FYN: variants seen among roughly 807,000 people sequenced by gnomAD.
The protein encoded by FYN is tyrosine-protein kinase Fyn.
FYN carries 10 observed loss-of-function variants against 70.2 expected under a neutral mutation model. That is an observed-to-expected ratio of 0.14 (90% CI 0.09 to 0.24). FYN has a LOEUF of 0.24. Among genes scored for constraint, FYN ranks in the 10% least tolerant of loss-of-function variants. The pLI, the probability that FYN is intolerant of heterozygous loss-of-function variation, is 1.00. For synonymous variants in FYN, 236 were observed against 248.6 expected, an observed-to-expected ratio of 0.95 and a Z score of 0.48; for missense variants, 319 against 673.1, an observed-to-expected ratio of 0.47 and a Z score of 5.82.
intron 1 of FYN, among the ~76,000 whole-genome samples, chr6:111,860,836 G>A (rs1270887032): frequency 3.3e-5 from 5 of 152,184 alleles, no homozygotes; most frequent in African/African-American, 1.2e-4. Context: ...ACACTTGGCA[G>A]TCTGAAATCA....
At chr6:111,811,495 G>C (rs1218681269) in intron 2 of FYN, among the ~76,000 whole-genome samples, 2 of 152,278 alleles carry the variant, frequency 1.3e-5, no homozygotes, top group Non-Finnish European at 2.9e-5. Context: ...TGAAGACAAA[G>C]GGCAGAATGT....
At chr6:111,853,592 A>G (rs1773745706) in intron 1 of FYN, among the ~76,000 whole-genome samples, 1 of 152,146 alleles carries the variant, frequency 6.6e-6, no homozygotes, top group Non-Finnish European at 1.5e-5. Flanking sequence ...GGAGAGCAAC[A>G]TGATCTCATA....
chr6:111,840,047 G>A (rs1234369687), intron 2 of FYN, among the ~76,000 whole-genome samples: 1 of 152,180 alleles, frequency 6.6e-6, no homozygotes, highest in Admixed American at 6.5e-5. Context: ...CTGGGGACTG[G>A]AGAAGAGACT....
At chr6:111,860,073 T>A (rs1357843882) in intron 1 of FYN, among the ~76,000 whole-genome samples, 3 of 151,888 alleles carry the variant, frequency 2.0e-5, no homozygotes, top group Non-Finnish European at 4.4e-5. Flanking sequence ...TGGGACAGAA[T>A]CTCCTTCAGG....
At chr6:111,864,810 C>A (rs12528055) in intron 1 of FYN, among the ~76,000 whole-genome samples, 25,040 of 152,138 alleles carry the variant, frequency 0.16, 4,719 homozygotes, top group African/African-American at 0.47. Context: ...TCACACAGAC[C>A]TGGCTTCACT....
intron 6 of FYN, among the ~76,000 whole-genome samples, chr6:111,706,646 T>C (rs188706766): frequency 5.3e-5 from 8 of 152,360 alleles, no homozygotes; most frequent in East Asian, 1.9e-4. Flanking sequence ...AAGATAATGA[T>C]AGTTAATTGC....
At chr6:111,769,593 A>G (rs1172281991) in intron 3 of FYN, among the ~76,000 whole-genome samples, 1 of 152,238 alleles carries the variant, frequency 6.6e-6, no homozygotes. Flanking sequence ...AACCACTGTT[A>G]ATCAAAACAG....
intron 2 of FYN, chr6:111,793,874 C>T (rs1408104882): frequency 5.3e-5 from 8 of 152,280 alleles, no homozygotes; most frequent in African/African-American, 1.9e-4. Flanking sequence ...TTCTCAGACA[C>T]TTTTGTTCTC....
chr6:111,814,021 C>T (rs747167815), intron 2 of FYN: 6 of 152,204 alleles, frequency 3.9e-5, no homozygotes, highest in Non-Finnish European at 8.8e-5. Flanking sequence ...GAGTTCAGGC[C>T]GCCCTGGAAC....
chr6:111,697,348 T>C (rs943573281), intron 9 of FYN, among the ~76,000 whole-genome samples: 2 of 152,232 alleles, frequency 1.3e-5, no homozygotes, highest in Admixed American at 6.5e-5. Context: ...AGACCTATGA[T>C]GCTTAAGAAT....
At chr6:111,833,689 T>C (rs1290275367) in intron 2 of FYN, among the ~76,000 whole-genome samples, 1 of 152,238 alleles carries the variant, frequency 6.6e-6, no homozygotes, top group Non-Finnish European at 1.5e-5. Context: ...CTTTCTTTCC[T>C]TTGTACTTGC....
Position 111,687,574 on chromosome 6 carries a change from G to A in FYN, c.1273+6801C>T, listed in dbSNP as rs73766709. Among the ~76,000 whole-genome samples, 391 of 135,616 alleles carry A rather than the reference G, an allele frequency of 2.9e-3. 3 individuals are homozygous for A. Among genetic ancestry groups the A allele is most frequent in the African/African-American group, 0.011 (381 of 34,322 alleles). 89.0% of individuals were successfully genotyped at this position (135,616 alleles called of 152,430 possible). A position where few individuals can be genotyped will look rare whatever the true frequency, so the allele number is the denominator to read the frequency against. ...CCATGTGGAAGGAGCCCTGATGGGA[G>A]CGATCAGGAAAACCCAAAGTGGGGT... is the stretch of plus-strand genomic sequence containing the variant. On this transcript the variant is annotated intron_variant, in intron 12 of 13. Transcript: ENST00000354650.
At chr6:111,745,331 A>C (rs1001406219) in intron 3 of FYN, among the ~76,000 whole-genome samples, 11 of 152,166 alleles carry the variant, frequency 7.2e-5, no homozygotes, top group African/African-American at 2.4e-4. Flanking sequence ...AAACACATAC[A>C]GTGTTCTTGA....
At chr6:111,825,136 C>T (rs1772793277) in intron 2 of FYN, among the ~76,000 whole-genome samples, 1 of 152,130 alleles carries the variant, frequency 6.6e-6, no homozygotes, top group Non-Finnish European at 1.5e-5. Context: ...TTTTGGACTG[C>T]GGGCAGGGAG....
chr6:111,828,886 A>C (rs536709453), intron 2 of FYN, among the ~76,000 whole-genome samples: 14 of 152,316 alleles, frequency 9.2e-5, no homozygotes, highest in African/African-American at 3.4e-4. Flanking sequence ...TAATATGGTA[A>C]ATTTTAGTGG....
Position 111,694,828 on chromosome 6 carries a change from G to T in FYN, c.1043-124C>A. The T allele has an allele frequency of 1.3e-6, 1 of 751,880 alleles. No homozygotes were observed. Among genetic ancestry groups the T allele is most frequent in the Non-Finnish European group, 2.1e-6 (1 of 471,154 alleles). The allele number at this position is 751,880 out of a possible 1,614,324, so 46.6% of individuals were successfully genotyped here. A position where few individuals can be genotyped will look rare whatever the true frequency, so the allele number is the denominator to read the frequency against. ...AATGGAATAATGCCATCCACATGGG[G>T]GGACAAAAAGGTTTATATAAAAAAG... On this transcript the variant is annotated intron_variant, in intron 10 of 13. Transcript: ENST00000354650. The surrounding 1 kb of genome is among the most constrained non-coding windows in gnomAD (Gnocchi z 5.0).
At position 111,835,916 on chromosome 6, in the gene FYN, GA is replaced by G. The variant is rs775740028; in HGVS notation, c.-82+10672del. 2.6e-5 allele frequency among the ~76,000 whole-genome samples: 4 copies of G among 152,158 alleles called. No homozygotes were observed. The East Asian group carries it at 7.7e-4, about 29-fold the overall frequency. On this transcript the variant is annotated intron_variant, in intron 2 of 13. Transcript: ENST00000354650. ...TCATCATATCCCACAGGATGAATGTGAAAAACAAAAACAAGAAAAGTAAGGA... is the reference window on the plus strand; with the variant it reads ...TCATCATATCCCACAGGATGAATGTGAAAACAAAAACAAGAAAAGTAAGGA...
intron 1 of FYN, among the ~76,000 whole-genome samples, chr6:111,858,791 G>A (rs1773887316): frequency 6.7e-6 from 1 of 149,330 alleles, no homozygotes; most frequent in South Asian, 2.1e-4. Flanking sequence ...CACTAAACTA[G>A]CTGCTCATAA....
intron 2 of FYN, among the ~76,000 whole-genome samples, chr6:111,785,615 T>C (rs1028742565): frequency 6.6e-6 from 1 of 152,186 alleles, no homozygotes; most frequent in African/African-American, 2.4e-5. Flanking sequence ...GCCAAGAGAC[T>C]TGCCCAAGTT....
Sources: allele counts gnomAD v4.1 joint callset (sites outside exome capture counted in the v4.1 genomes callset), GRCh38; gene constraint gnomAD v4.1.1; non-coding constraint Gnocchi (gnomAD v3.1); transcripts MANE v1.5; gene names NCBI Gene and HGNC (gene_info 2026-07-23, HGNC 2026-07-21).